The following DNAJB4 variants were observed in gnomAD, a reference collection of about 807,000 sequenced individuals.
DNAJB4 encodes DnaJ heat shock protein family (Hsp40) member B4, also known as dnaJ homolog subfamily B member 4.
Under a neutral mutation model 26.6 loss-of-function variants are expected in DNAJB4, and 10 were observed. That is an observed-to-expected ratio of 0.38 (90% CI 0.23 to 0.64). The LOEUF is 0.64. Ranked by LOEUF, DNAJB4 falls within the 30% of genes least tolerant of loss-of-function variation. The probability of loss-of-function intolerance (pLI) is 0.58; values close to 1 mark genes in which losing one functional copy is unlikely to be tolerated. For missense variants in DNAJB4, 328 were observed against 408.2 expected, an observed-to-expected ratio of 0.80 and a Z score of 1.69; for synonymous variants, 136 against 134.8, an observed-to-expected ratio of 1.01 and a Z score of -0.06.
upstream of DNAJB4, chr1:77,979,206 G>C (rs558792681): frequency 2.4e-5 from 14 of 575,190 alleles, no homozygotes; most frequent in Admixed American, 3.4e-4. Flanking sequence ...GAGAAAGAAC[G>C]ACAGGAACAG....
intron 2 of DNAJB4, among the ~76,000 whole-genome samples, chr1:78,014,750 G>A (rs1325880368): frequency 1.3e-5 from 2 of 151,866 alleles, no homozygotes; most frequent in African/African-American, 4.8e-5. Context: ...ACAGGTGCCC[G>A]CCACCATGCC....
chr1:77,979,242 A>C (rs556791221), upstream of DNAJB4: 4 of 492,736 alleles, frequency 8.1e-6, no homozygotes, highest in East Asian at 1.3e-4. Context: ...TAAGTTTAAG[A>C]CTTCGCGAGA....
intron 2 of DNAJB4, 50 bp from the exon 3 acceptor site, chr1:78,015,964 A>T: frequency 6.6e-7 from 1 of 1,505,378 alleles, no homozygotes; most frequent in Non-Finnish European, 9.1e-7. Context: ...TTGTGCTTAG[A>T]TTTTTGAGTT....
intron 1 of DNAJB4, 53 bp from the exon 2 acceptor site, chr1:78,012,998 T>A: frequency 2.7e-6 from 4 of 1,465,338 alleles, no homozygotes; most frequent in East Asian, 2.3e-5. Flanking sequence ...TTTGAAAGTT[T>A]AACTTTTAAG....
chr1:78,015,510 TTTC>T (rs1445703701), intron 2 of DNAJB4, among the ~76,000 whole-genome samples: 30 of 150,812 alleles, frequency 2.0e-4, no homozygotes, highest in African/African-American at 7.3e-4. Context: ...TTTTCCTTTT[TTTC>T]TTTTCTTTTC....
At position 77,992,412 on chromosome 1, in the gene DNAJB4, C is replaced by CAAAAAAAA. The variant is rs67649336; in HGVS notation, c.-32+12108_-32+12115dup. On this transcript the variant is annotated intron_variant, in intron 1 of 2. Coordinates refer to the DNAJB4 transcript ENST00000426517. ...TGGGCGACAGAGCGAGACTCCGTCTCAAAAAAAAAAAAAAAAAAAAAAAAA... is the reference window on the plus strand; with the variant it reads ...TGGGCGACAGAGCGAGACTCCGTCTCAAAAAAAAAAAAAAAAAAAAAAAAAAAAAAAAA... Among the ~76,000 whole-genome samples, 5 of 47,730 alleles carry CAAAAAAAA rather than the reference C, an allele frequency of 1.0e-4. No individual in the cohort carries two copies. In the Admixed American group the frequency reaches 1.2e-3, roughly 11 times the overall value. The allele number at this position is 47,730 out of a possible 152,430, so 31.3% of individuals were successfully genotyped here.
Position 78,016,431 on chromosome 1 carries a change from A to G in DNAJB4, c.*184A>G, listed in dbSNP as rs1381412561. 1 of 572,358 alleles carries G rather than the reference A, an allele frequency of 1.7e-6. No homozygotes were observed. Among genetic ancestry groups the G allele is most frequent in the Non-Finnish European group, 3.0e-6 (1 of 327,972 alleles). 35.5% of individuals were successfully genotyped at this position (572,358 alleles called of 1,614,324 possible). ...AGGGATTTTTACAGTTAGAGATAAAAGAGAAAACCATTCACTGTATTTTAT... is the reference window on the plus strand; with the variant it reads ...AGGGATTTTTACAGTTAGAGATAAAGGAGAAAACCATTCACTGTATTTTAT... On this transcript the variant is annotated 3_prime_UTR_variant, in exon 3 of 3. Coordinates refer to ENST00000370763, the MANE Select transcript of DNAJB4 (RefSeq NM_007034.5).
chr1:77,993,953 A>G (rs750178494), intron 1 of DNAJB4, among the ~76,000 whole-genome samples: 17 of 152,236 alleles, frequency 1.1e-4, no homozygotes, highest in South Asian at 2.1e-4. Context: ...GCTTATTTAT[A>G]TAAATGTTCT....
At chr1:77,995,118 T>C (rs1557504268) in intron 1 of DNAJB4, among the ~76,000 whole-genome samples, 1 of 152,258 alleles carries the variant, frequency 6.6e-6, no homozygotes, top group Non-Finnish European at 1.5e-5. Context: ...ACATGCTGTA[T>C]TTCAAATATT....
intron 1 of DNAJB4, among the ~76,000 whole-genome samples, chr1:77,990,722 G>C (rs1238659074): frequency 1.3e-5 from 2 of 152,116 alleles, no homozygotes; most frequent in African/African-American, 4.8e-5. Flanking sequence ...CCAGAAATGG[G>C]CAGTCTGAAA....
In DNAJB4 at chr1:78,013,525, C is replaced by G. The variant is rs763438687; in HGVS notation, c.686C>G (p.Ala229Gly). 1 of 1,613,676 alleles carries G rather than the reference C, an allele frequency of 6.2e-7. No individual in the cohort carries two copies. The highest frequency in any genetic ancestry group is 1.1e-5 in the South Asian group (1 of 91,054). ...EGDETPNSIP[A>G]DIVFIIKDKD... ...GATGAAACACCAAATAGTATTCCAG[C>G]AGACATTGTTTTTATCATTAAAGAC... The change falls in exon 2 of 3, where the codon GCA becomes GGA. Residue 229 changes from alanine (A) to glycine (G), a missense_variant. Transcript: ENST00000370763.
chr1:77,980,128 C>G (rs1429244489), upstream of DNAJB4: 3 of 152,254 alleles, frequency 2.0e-5, no homozygotes, highest in African/African-American at 7.2e-5. Flanking sequence ...CGTGATCCAC[C>G]CGCCTCGGCC....
At chr1:78,003,513 C>G (rs11162404), upstream of DNAJB4, among the ~76,000 whole-genome samples, 3,458 of 152,182 alleles carry the variant, frequency 0.023, 138 homozygotes, top group African/African-American at 0.079. Context: ...AGTAGGCGTT[C>G]TCATTTCTTT....
At position 78,016,038 on chromosome 1, in the gene DNAJB4, G is replaced by A. The variant is rs761281188; in HGVS notation, c.805G>A (p.Val269Ile). 1 of 1,613,982 alleles carries A rather than the reference G, an allele frequency of 6.2e-7. No homozygotes were observed. The highest frequency in any genetic ancestry group is 2.2e-5 in the East Asian group (1 of 44,858). ...REALCGCSIN[V>I]PTLDGRNIPM... is the part of the protein sequence containing the mutation. ...GGCATTGTGTGGCTGCTCAATTAAT[G>A]TACCAACACTGGATGGAAGAAACAT... Residue 269 changes from valine (V) to isoleucine (I), a missense_variant, in exon 3 of 3, where the codon GTA becomes ATA. By Grantham distance (29) the Val-to-Ile change is conservative. Transcript: ENST00000370763.
intron 1 of DNAJB4, among the ~76,000 whole-genome samples, chr1:77,982,332 A>C (rs571148702): frequency 6.6e-6 from 1 of 152,108 alleles, no homozygotes; most frequent in South Asian, 2.1e-4. Flanking sequence ...CAAAACATTT[A>C]TTGTTTCTTT....
At chr1:78,013,774 CT>C (rs370394334) in intron 2 of DNAJB4, among the ~76,000 whole-genome samples, 155 bp downstream of exon 2, 1 of 152,030 alleles carries the variant, frequency 6.6e-6, no homozygotes, top group Non-Finnish European at 1.5e-5. Flanking sequence ...TATTATACCT[CT>C]TTTATGGATG....
intron 1 of DNAJB4, among the ~76,000 whole-genome samples, chr1:77,995,752 C>G (rs1019953690): frequency 5.3e-5 from 8 of 152,202 alleles, no homozygotes; most frequent in Non-Finnish European, 1.0e-4. Flanking sequence ...CACCCTGGGC[C>G]TAACTCAGTG....
intron 1 of DNAJB4, among the ~76,000 whole-genome samples, chr1:78,011,401 G>A (rs374243939): frequency 1.3e-5 from 2 of 151,838 alleles, no homozygotes; most frequent in African/African-American, 4.8e-5. Flanking sequence ...AATGACAATC[G>A]TAGTGTCTAA....
At chr1:77,993,368 G>A (rs1659982394) in intron 1 of DNAJB4, among the ~76,000 whole-genome samples, 1 of 151,982 alleles carries the variant, frequency 6.6e-6, no homozygotes, top group African/African-American at 2.4e-5. Flanking sequence ...AGGCTGGAGT[G>A]CAGTGGAACA....
Sources: allele counts gnomAD v4.1 joint callset (sites outside exome capture counted in the v4.1 genomes callset), GRCh38; gene constraint gnomAD v4.1.1; transcripts MANE v1.5; gene names NCBI Gene and HGNC (gene_info 2026-07-23, HGNC 2026-07-21).